B3GALT1: variants seen among roughly 807,000 people sequenced by gnomAD.
The protein encoded by B3GALT1 is UDP-Gal:betaGlcNAc beta 1,3-galactosyltransferase, polypeptide 1.
In B3GALT1, 10 loss-of-function variants were observed where a neutral mutation model predicts 23.2. The observed-to-expected ratio is 0.43, with a 90% CI of 0.27 to 0.73. The LOEUF (loss-of-function observed/expected upper bound fraction) is 0.73, where lower values mean the gene tolerates loss of function less well. B3GALT1 is among the 30% of genes least tolerant of loss of function. The pLI, the probability that B3GALT1 is intolerant of heterozygous loss-of-function variation, is 0.21. For missense variants in B3GALT1, 299 were observed against 405.4 expected (o/e 0.74, Z 2.25); for synonymous variants, 156 against 141.5 (o/e 1.10, Z -0.73).
chr2:167,566,496 TATAATA>T (rs567728985), intron 2 of B3GALT1, among the ~76,000 whole-genome samples: 1 of 150,532 alleles, frequency 6.6e-6, no homozygotes, highest in South Asian at 2.1e-4. Flanking sequence ...AAACTTAAAG[TATAATA>T]ATAATAATAA....
intron 2 of B3GALT1, among the ~76,000 whole-genome samples, chr2:167,536,449 A>G (rs1227127): frequency 0.58 from 88,147 of 152,074 alleles, 29,496 homozygotes; most frequent in East Asian, 0.99. Context: ...AATGCAGACT[A>G]GGAAACATTT....
rs556897975 is a variant in B3GALT1, at chr2:167,463,386, A to G, written c.-510-26791A>G. On this transcript the variant is annotated intron_variant, in intron 1 of 4. Coordinates refer to ENST00000392690, the MANE Select transcript of B3GALT1 (RefSeq NM_020981.4). The stretch of plus-strand genomic sequence containing the variant: ...CATCTCCTCCCTCATAATATTACTA[A>G]TACACTAATAGCCTGTATTGTTTAC... Among the ~76,000 whole-genome samples the G allele has an allele frequency of 2.0e-5, 3 of 152,198 alleles. No homozygotes were observed. In the South Asian group the frequency reaches 6.2e-4, roughly 32 times the overall value.
chr2:167,310,773 G>GA (rs1386236149), intron 1 of B3GALT1, among the ~76,000 whole-genome samples: 1 of 151,664 alleles, frequency 6.6e-6, no homozygotes, highest in African/African-American at 2.4e-5. Context: ...TTGATAACAA[G>GA]AAAAAAAAGA....
chr2:167,549,603 T>G (rs1206975697), intron 2 of B3GALT1, among the ~76,000 whole-genome samples: 1 of 152,184 alleles, frequency 6.6e-6, no homozygotes, highest in Non-Finnish European at 1.5e-5. Flanking sequence ...ACCTGACAAG[T>G]GTGCCTCCCC....
At chr2:167,414,321 TTGAC>T (rs761661201) in intron 1 of B3GALT1, among the ~76,000 whole-genome samples, 39 of 152,176 alleles carry the variant, frequency 2.6e-4, no homozygotes, top group Non-Finnish European at 4.9e-4. Flanking sequence ...GACTTGGCAG[TTGAC>T]TGACTATGTA....
chr2:167,733,857 C>A (rs1051737699), intron 3 of B3GALT1, among the ~76,000 whole-genome samples: 1 of 152,196 alleles, frequency 6.6e-6, no homozygotes, highest in African/African-American at 2.4e-5. Context: ...TGTTGTGTGG[C>A]AACTGACAGG....
chr2:167,296,646 A>G (rs1167847236), intron 1 of B3GALT1, among the ~76,000 whole-genome samples: 1 of 152,200 alleles, frequency 6.6e-6, no homozygotes, highest in African/African-American at 2.4e-5. Flanking sequence ...ATCTATTATT[A>G]TGATACTGGT....
At chr2:167,865,724 G>C (rs187018126) in intron 4 of B3GALT1, among the ~76,000 whole-genome samples, 1 of 152,164 alleles carries the variant, frequency 6.6e-6, no homozygotes, top group South Asian at 2.1e-4. Context: ...CCCGGGAGGC[G>C]GAGTTTGCAG....
intron 1 of B3GALT1, among the ~76,000 whole-genome samples, chr2:167,413,554 A>G (rs1195804564): frequency 1.3e-5 from 2 of 151,958 alleles, no homozygotes; most frequent in Non-Finnish European, 2.9e-5. Context: ...TGTTGAATGC[A>G]TATGTATTTA....
rs111320134 is a variant in B3GALT1 at position 167,569,841 on chromosome 2, A to G, written c.-409-77068A>G. 3.9e-3 allele frequency among the ~76,000 whole-genome samples: 599 copies of G among 152,000 alleles called. 4 individuals carry two copies. Among genetic ancestry groups the G allele is most frequent in the Middle Eastern group, 0.017 (5 of 294 alleles). ...TAAGTTGAGGAAGTTCTCATCTATTACTAGTTTACTGAGAGTTTTTATCAT... is the reference window on the plus strand; with the variant it reads ...TAAGTTGAGGAAGTTCTCATCTATTGCTAGTTTACTGAGAGTTTTTATCAT... On this transcript the variant is annotated intron_variant, in intron 2 of 4. Coordinates refer to ENST00000392690, the MANE Select transcript of B3GALT1 (RefSeq NM_020981.4).
At chr2:167,370,831 C>A (rs1697672919) in intron 1 of B3GALT1, among the ~76,000 whole-genome samples, 1 of 151,932 alleles carries the variant, frequency 6.6e-6, no homozygotes, top group South Asian at 2.1e-4. Flanking sequence ...GAGGCTGAGG[C>A]AGGAGAATCA....
At chr2:167,765,090 C>G (rs1209250050) in intron 3 of B3GALT1, among the ~76,000 whole-genome samples, 1 of 152,170 alleles carries the variant, frequency 6.6e-6, no homozygotes, top group Non-Finnish European at 1.5e-5. Flanking sequence ...TCTAAGGTCA[C>G]TATTTTTGGC....
chr2:167,675,033 C>A (rs989338673), intron 3 of B3GALT1, among the ~76,000 whole-genome samples: 8 of 152,190 alleles, frequency 5.3e-5, no homozygotes, highest in Non-Finnish European at 8.8e-5. Context: ...CAGCCTTAAG[C>A]ATCTTGCCCA....
At chr2:167,837,451 G>C (rs1054651462) in intron 4 of B3GALT1, among the ~76,000 whole-genome samples, 1 of 151,718 alleles carries the variant, frequency 6.6e-6, no homozygotes, top group Non-Finnish European at 1.5e-5. Context: ...TAATGGTAAA[G>C]GGATCAATTC....
intron 2 of B3GALT1, among the ~76,000 whole-genome samples, chr2:167,512,567 T>TAC (rs374423893): frequency 0.3 from 23,535 of 79,498 alleles, 4,750 homozygotes; most frequent in East Asian, 0.76. Context: ...TATATATATA[T>TAC]GTATATATAT....
Position 167,541,444 on chromosome 2 carries a change from T to C in B3GALT1, c.-410+51167T>C, listed in dbSNP as rs569980869. Among the ~76,000 whole-genome samples, 101 of 152,272 alleles carry C rather than the reference T, an allele frequency of 6.6e-4. 1 individual carries two copies. The highest frequency in any genetic ancestry group is 2.3e-3 in the African/African-American group (94 of 41,570). Reference sequence around the variant, plus strand: ...TTTTCTTTGTACCACTTTTTTCTTATGGATATTTGAAAATGTCTTGCACAA... The same window carrying C: ...TTTTCTTTGTACCACTTTTTTCTTACGGATATTTGAAAATGTCTTGCACAA... On this transcript the variant is annotated intron_variant, in intron 2 of 4. Transcript: ENST00000392690.
rs897270418 is a variant in B3GALT1, at chr2:167,293,029, G to T, written c.-816G>T. ...GCCATCGCCGGGGAAGCGCAGCCGGGCTCGGGTGCTTCGGCTGCCGCCGCG... is the reference window on the plus strand; with the variant it reads ...GCCATCGCCGGGGAAGCGCAGCCGGTCTCGGGTGCTTCGGCTGCCGCCGCG... On this transcript the variant is annotated 5_prime_UTR_variant, in exon 1 of 5. Coordinates refer to ENST00000392690, the MANE Select transcript of B3GALT1 (RefSeq NM_020981.4). 11 of 151,906 alleles carry T rather than the reference G, an allele frequency of 7.2e-5. No homozygotes were observed. The highest frequency in any genetic ancestry group is 1.7e-4 in the African/African-American group (7 of 41,430). 9.4% of individuals were successfully genotyped at this position (151,906 alleles called of 1,614,324 possible).
At chr2:167,418,423 A>C (rs1270148306) in intron 1 of B3GALT1, among the ~76,000 whole-genome samples, 2 of 152,102 alleles carry the variant, frequency 1.3e-5, no homozygotes, top group Non-Finnish European at 2.9e-5. Context: ...TGAAAAAAAA[A>C]AAAGAGCTCA....
chr2:167,398,364 C>T (rs552022461), intron 1 of B3GALT1, among the ~76,000 whole-genome samples: 16 of 152,186 alleles, frequency 1.1e-4, no homozygotes, highest in African/African-American at 2.9e-4. Context: ...TCTCTCCCTT[C>T]CTTCTTCCCT....
Sources: allele counts gnomAD v4.1 joint callset (sites outside exome capture counted in the v4.1 genomes callset), GRCh38; gene constraint gnomAD v4.1.1; transcripts MANE v1.5; gene names NCBI Gene and HGNC (gene_info 2026-07-23, HGNC 2026-07-21).